ESPN: variants seen among roughly 807,000 people sequenced by gnomAD.
ESPN encodes the protein espin, also known as autosomal recessive deafness type 36 protein.
Under a neutral mutation model 77.7 loss-of-function variants are expected in ESPN, and 68 were observed. That is an observed-to-expected ratio of 0.87 (90% CI 0.72 to 1.07). The LOEUF is 1.07. ESPN is among the 50% of genes least tolerant of loss of function. The pLI, the probability that ESPN is intolerant of heterozygous loss-of-function variation, is 0.00. For missense variants in ESPN, 1,060 were observed against 1,239.0 expected (o/e 0.86, Z 2.17); for synonymous variants, 449 against 567.1 (o/e 0.79, Z 2.96).
chr1:6,445,298 C>G (rs184745624), intron 6 of ESPN, among the ~76,000 whole-genome samples: 13 of 152,272 alleles, frequency 8.5e-5, no homozygotes, highest in African/African-American at 3.1e-4. Context: ...GCCTGCTTCA[C>G]GCCGCCAGAT....
At chr1:6,436,803 A>C (rs1392841892) in intron 2 of ESPN, among the ~76,000 whole-genome samples, 3 of 151,994 alleles carry the variant, frequency 2.0e-5, no homozygotes, top group African/African-American at 4.8e-5. Flanking sequence ...TGAGAATTTC[A>C]TTTTGGTCCT....
At chr1:6,455,322 C>A (rs375279655) in intron 10 of ESPN, 1 of 386,082 alleles carries the variant, frequency 2.6e-6, no homozygotes. Flanking sequence ...CTGGGCCTGC[C>A]GCGGACCAGG....
Position 6,460,840 on chromosome 1 carries a change from A to G in ESPN, c.*694A>G. The stretch of plus-strand genomic sequence containing the variant: ...GCCCCGGTGGAGTGAATAGAGGATG[A>G]GGGGCCCTGACCCTGTGTCTCCAAC... On this transcript the variant is annotated 3_prime_UTR_variant, in exon 13 of 13. Coordinates refer to ENST00000645284, the MANE Select transcript of ESPN (RefSeq NM_031475.3). 1 of 270,818 alleles carries G rather than the reference A, an allele frequency of 3.7e-6. No individual in the cohort carries two copies. The highest frequency in any genetic ancestry group is 7.3e-6 in the Non-Finnish European group (1 of 137,638). 16.8% of individuals were successfully genotyped at this position (270,818 alleles called of 1,614,324 possible).
At position 6,425,237 on chromosome 1, in the gene ESPN, C is replaced by T; in HGVS notation, c.282C>T (p.Gly94=). The change falls in exon 1 of 13, where the codon GGC becomes GGT. Residue 94 remains glycine (G), a synonymous_variant. Transcript: ENST00000645284. ...TGCAGTGGCTGCTGTCGCAGGGCGG[C>T]TGCAGAGTGCAGGTGGGTCCGCGCG... is the stretch of plus-strand genomic sequence containing the variant. ...ACLQWLLSQG[G]CRVQDKDNSG... is the part of the protein sequence containing the mutation. 1.3e-6 allele frequency: 2 copies of T among 1,566,096 alleles called. No individual in the cohort carries two copies. Among genetic ancestry groups the T allele is most frequent in the Non-Finnish European group, 1.7e-6 (2 of 1,164,646 alleles).
At chr1:6,452,303 C>T (rs901655428) in intron 10 of ESPN, among the ~76,000 whole-genome samples, 8 of 152,018 alleles carry the variant, frequency 5.3e-5, no homozygotes, top group African/African-American at 1.9e-4. Flanking sequence ...CTCCCAGGTT[C>T]AAATGATTCT....
At chr1:6,455,553 G>T (rs1033032130) in intron 10 of ESPN, 10 of 398,562 alleles carry the variant, frequency 2.5e-5, no homozygotes, top group African/African-American at 2.1e-4. Flanking sequence ...GGCAAGCCCG[G>T]GCCTGGCGCA....
intron 3 of ESPN, 30 bp from the exon 4 acceptor site, chr1:6,440,596 C>CCCCCCCCACAA: frequency 7.1e-6 from 8 of 1,127,586 alleles, no homozygotes; most frequent in Non-Finnish European, 8.7e-6. Flanking sequence ...GCCCAGCCCC[C>CCCCCCCCACAA]GCCCCCCTCT....
In ESPN at chr1:6,450,254, G is replaced by A. The variant is rs1475056366; in HGVS notation, c.1915+1163G>A. ...GGGGCACCAGCCAAGCCAGGAACTC[G>A]ATGGACCACCCTCATGGGGCCCCAG... On this transcript the variant is annotated intron_variant, in intron 8 of 12. Transcript: ENST00000645284. The surrounding 1 kb of genome is among the most constrained non-coding windows in gnomAD (Gnocchi z 4.3). 11 of 153,350 alleles carry A rather than the reference G, an allele frequency of 7.2e-5. No individual in the cohort carries two copies. Among genetic ancestry groups the A allele is most frequent in the African/African-American group, 1.7e-4 (7 of 41,434 alleles). The allele number at this position is 153,350 out of a possible 1,614,324, so 9.5% of individuals were successfully genotyped here. A position where few individuals can be genotyped will look rare whatever the true frequency, so the allele number is the denominator to read the frequency against.
Position 6,425,075 on chromosome 1 carries a change from G to C in ESPN, c.120G>C (p.Val40=). ...GCGACCCGCTGGACGCGCTGCCCGT[G>C]CACCACGCGGCCCGCGCTGGGAAGC... ...SLRDPLDALP[V]HHAARAGKLH... The change falls in exon 1 of 13, where the codon GTG becomes GTC. Residue 40 remains valine (V), a synonymous_variant. Transcript: ENST00000645284. 6.7e-7 allele frequency: 1 copy of C among 1,487,048 alleles called. No homozygotes were observed. Among genetic ancestry groups the C allele is most frequent in the Non-Finnish European group, 8.9e-7 (1 of 1,126,674 alleles). The allele number at this position is 1,487,048 out of a possible 1,614,324, so 92.1% of individuals were successfully genotyped here.
chr1:6,440,602 C>CCACAAA, intron 3 of ESPN, 24 bp from the exon 4 acceptor site: 1 of 1,256,478 alleles, frequency 8.0e-7, no homozygotes, highest in South Asian at 1.3e-5. Context: ...CCCCCGCCCC[C>CCACAAA]CTCTCCCCGC....
chr1:6,444,383 G>C (rs1265879901), intron 5 of ESPN, 98 bp from the exon 6 acceptor site: 2 of 1,242,584 alleles, frequency 1.6e-6, no homozygotes, highest in African/African-American at 3.0e-5. Flanking sequence ...GCTTGGCCAA[G>C]ATCCCACAGC....
At position 6,440,796 on chromosome 1, in the gene ESPN, C is replaced by T. The variant is rs1211164229; in HGVS notation, c.846C>T (p.Asn282=). 9 of 1,508,282 alleles carry T rather than the reference C, an allele frequency of 6.0e-6. No individual in the cohort carries two copies. Among genetic ancestry groups the T allele is most frequent in the Non-Finnish European group, 7.9e-6 (9 of 1,137,006 alleles). The allele number at this position is 1,508,282 out of a possible 1,614,324, so 93.4% of individuals were successfully genotyped here. ...GGTPLHDAAE[N]GELECCQILV... Reference sequence around the variant, plus strand: ...CCCCGCTGCACGACGCCGCCGAGAACGGGGAGCTAGAGGTCAGCGCGGGCC... The same window carrying T: ...CCCCGCTGCACGACGCCGCCGAGAATGGGGAGCTAGAGGTCAGCGCGGGCC... The change falls in exon 4 of 13, where the codon AAC becomes AAT. Residue 282 remains asparagine, a synonymous_variant. Transcript: ENST00000645284.
At position 6,440,791 on chromosome 1, in the gene ESPN, G is replaced by A. The variant is rs755634942; in HGVS notation, c.841G>A (p.Glu281Lys). 11 of 1,509,940 alleles carry A rather than the reference G, an allele frequency of 7.3e-6. No individual in the cohort carries two copies. The highest frequency in any genetic ancestry group is 9.7e-6 in the Non-Finnish European group (11 of 1,137,848). The allele number at this position is 1,509,940 out of a possible 1,614,324, so 93.5% of individuals were successfully genotyped here. A position where few individuals can be genotyped will look rare whatever the true frequency, so the allele number is the denominator to read the frequency against. ...CGGGACCCCGCTGCACGACGCCGCCGAGAACGGGGAGCTAGAGGTCAGCGC... is the reference window on the plus strand; with the variant it reads ...CGGGACCCCGCTGCACGACGCCGCCAAGAACGGGGAGCTAGAGGTCAGCGC... The part of the protein sequence containing the change: ...WGGTPLHDAA[E>K]NGELECCQIL... The change falls in exon 4 of 13, where the codon GAG becomes AAG. Residue 281 changes from glutamate (E) to lysine (K), a missense_variant. Transcript: ENST00000645284.
chr1:6,453,042 GC>G (rs1384137702), intron 10 of ESPN, among the ~76,000 whole-genome samples: 1 of 152,066 alleles, frequency 6.6e-6, no homozygotes, highest in East Asian at 1.9e-4. Context: ...ACAAATGCCC[GC>G]CAACAATGCC....
chr1:6,436,059 A>T (rs1274583255), intron 2 of ESPN, among the ~76,000 whole-genome samples: 1 of 152,180 alleles, frequency 6.6e-6, no homozygotes, highest in African/African-American at 2.4e-5. Context: ...GCTGTGCCCC[A>T]GCAGCTGGCA....
rs1274430100 is a variant in ESPN at position 6,425,022 on chromosome 1, G to A, written c.67G>A (p.Ala23Thr). ...GELDVLRSLHAAGLLGPSLRD... is the reference protein window; with the variant it reads ...GELDVLRSLHTAGLLGPSLRD... Reference sequence around the variant, plus strand: ...GCTGGACGTGCTGAGGTCGCTGCACGCCGCAGGCCTCCTGGGGCCCTCGCT... The same window carrying A: ...GCTGGACGTGCTGAGGTCGCTGCACACCGCAGGCCTCCTGGGGCCCTCGCT... Residue 23 changes from alanine to threonine, a missense_variant, in exon 1 of 13, where the codon GCC becomes ACC. By Grantham distance (58) the Ala-to-Thr change is moderately conservative. Coordinates refer to ENST00000645284, the MANE Select transcript of ESPN (RefSeq NM_031475.3). The A allele has an allele frequency of 1.8e-5, 27 of 1,465,096 alleles. No homozygotes were observed. The highest frequency in any genetic ancestry group is 2.2e-5 in the Non-Finnish European group (25 of 1,114,606). 90.8% of individuals were successfully genotyped at this position (1,465,096 alleles called of 1,614,324 possible).
downstream of ESPN, chr1:6,461,338 T>G (rs1644165266): frequency 7.0e-7 from 1 of 1,422,016 alleles, no homozygotes; most frequent in Non-Finnish European, 9.5e-7. This position sits in a 1 kb window ranked among gnomAD's most constrained non-coding sequence, Gnocchi z 6.3. Flanking sequence ...TGCCAGCGGC[T>G]TAATAAGTGA....
chr1:6,427,049 C>T lies in ESPN; in HGVS notation c.295-1177C>T, dbSNP rs564778386. Among the ~76,000 whole-genome samples the T allele has an allele frequency of 3.9e-5, 6 of 152,158 alleles. No individual in the cohort carries two copies. The highest frequency in any genetic ancestry group is 3.9e-4 in the East Asian group (2 of 5,154). Reference sequence around the variant, plus strand: ...TGCCCTCTTTTCCTTGCATTTCTCACGGGAGCCTCAGAGGTTCTCTTCCCA... The same window carrying T: ...TGCCCTCTTTTCCTTGCATTTCTCATGGGAGCCTCAGAGGTTCTCTTCCCA... On this transcript the variant is annotated intron_variant, in intron 1 of 12. Coordinates refer to ENST00000645284, the MANE Select transcript of ESPN (RefSeq NM_031475.3). This position sits in a 1 kb window ranked among gnomAD's most constrained non-coding sequence, Gnocchi z 4.6.
At position 6,457,181 on chromosome 1, in the gene ESPN, C is replaced by CAGG. The variant is rs1399633263; in HGVS notation, c.2339_2341dup. ...GCCCTGAAGCTTTGTGGTTGTGTTT[C>CAGG]AGGAGGAGGAGGAGGAGGCCCGGCT... On this transcript the variant is annotated splice_region_variant and splice_polypyrimidine_tract_variant and intron_variant, in intron 10 of 12. Transcript: ENST00000645284. 7 of 1,594,260 alleles carry CAGG rather than the reference C, an allele frequency of 4.4e-6. No homozygotes were observed. The highest frequency in any genetic ancestry group is 1.3e-5 in the African/African-American group (1 of 74,668).
Sources: gnomAD v4.1 joint callset for allele counts (sites outside exome capture counted in the v4.1 genomes callset) on GRCh38, gnomAD v4.1.1 for gene constraint, Gnocchi (gnomAD v3.1) non-coding constraint, MANE v1.5 for transcripts, NCBI Gene and HGNC (gene_info 2026-07-23, HGNC 2026-07-21) for gene names.